The following ANKRD36C variants were observed in gnomAD, a reference collection of about 807,000 sequenced individuals.
The protein encoded by ANKRD36C is ankyrin repeat domain 36C.
A neutral mutation model predicts 276.4 loss-of-function variants in ANKRD36C; 61 were observed. The ratio of observed to expected loss-of-function variants is 0.22; its 90% CI spans 0.18 to 0.27. The LOEUF is 0.27. Among genes scored for constraint, ANKRD36C ranks in the 10% least tolerant of loss-of-function variants. ANKRD36C has a pLI of 1.00. For synonymous variants in ANKRD36C, 483 were observed against 680.1 expected, an observed-to-expected ratio of 0.71 and a Z score of 4.51; for missense variants, 1,447 against 2,032.3, an observed-to-expected ratio of 0.71 and a Z score of 5.54.
At chr2:95,894,553 C>A (rs1676479380) in intron 44 of ANKRD36C, among the ~76,000 whole-genome samples, 1 of 151,346 alleles carries the variant, frequency 6.6e-6, no homozygotes. Context: ...TAGAATGCAA[C>A]ATAATTTTTG....
rs909513270 is a variant in ANKRD36C, at chr2:95,883,632, C to T, written c.3265+541G>A. Reference sequence around the variant, plus strand: ...TCTTTTAGGAAAATATTTGAATATGCATCTGAACTCACGTTTCCTCAGAAG... The same window carrying T: ...TCTTTTAGGAAAATATTTGAATATGTATCTGAACTCACGTTTCCTCAGAAG... On this transcript the variant is annotated intron_variant, in intron 54 of 66. Coordinates refer to ENST00000456556, the Ensembl canonical transcript of ANKRD36C. Among the ~76,000 whole-genome samples, 23 of 151,994 alleles carry T rather than the reference C, an allele frequency of 1.5e-4. 1 individual carries two copies. The highest frequency in any genetic ancestry group is 7.4e-5 in the Non-Finnish European group (5 of 67,960).
At chr2:95,876,891 G>C (rs1484551502) in intron 58 of ANKRD36C, among the ~76,000 whole-genome samples, 1 of 137,266 alleles carries the variant, frequency 7.3e-6, no homozygotes. Flanking sequence ...TCTAAAACCA[G>C]AAAATAAAAG....
intron 44 of ANKRD36C, among the ~76,000 whole-genome samples, chr2:95,896,774 T>C (rs1200953690): frequency 6.7e-6 from 1 of 149,100 alleles, no homozygotes; most frequent in Non-Finnish European, 1.5e-5. Context: ...CAAAATTATA[T>C]AAATGACTTC....
chr2:95,850,866 A>G (rs1423020088), downstream of ANKRD36C, among the ~76,000 whole-genome samples: 1 of 152,210 alleles, frequency 6.6e-6, no homozygotes, highest in Non-Finnish European at 1.5e-5. Context: ...GAACAGTTTC[A>G]GTTTGCAGGC....
downstream of ANKRD36C, among the ~76,000 whole-genome samples, chr2:95,850,047 A>G (rs1159700429): frequency 6.6e-6 from 1 of 152,298 alleles, no homozygotes; most frequent in East Asian, 1.9e-4. Flanking sequence ...TTCACAGTTA[A>G]CTAAGAGAAA....
At chr2:95,961,007 A>G (rs1284871340) in intron 8 of ANKRD36C, among the ~76,000 whole-genome samples, 2 of 152,084 alleles carry the variant, frequency 1.3e-5, no homozygotes, top group African/African-American at 2.4e-5. Flanking sequence ...TTGGGAATCA[A>G]TGTCGAAGCA....
chr2:95,923,361 T>C (rs1164312805), intron 32 of ANKRD36C, 134 bp downstream of exon 32: 15 of 1,241,270 alleles, frequency 1.2e-5, no homozygotes, highest in East Asian at 2.5e-5. Context: ...CGAGAACTTA[T>C]TACAAATGAA....
chr2:95,949,501 A>G (rs1160823163), intron 16 of ANKRD36C, among the ~76,000 whole-genome samples: 2 of 152,146 alleles, frequency 1.3e-5, no homozygotes, highest in African/African-American at 4.8e-5. Flanking sequence ...ACATCTTCAA[A>G]TTTGGCTGTC....
intron 3 of ANKRD36C, 45 bp downstream of exon 3, chr2:95,986,706 A>G (rs1213690204): frequency 6.6e-7 from 1 of 1,523,490 alleles, no homozygotes; most frequent in Non-Finnish European, 8.8e-7. Flanking sequence ...ATGTTAAAAT[A>G]AATGCATTTC....
rs2104326568 is a variant in ANKRD36C at position 95,882,285 on chromosome 2, G to A, written c.3367+17C>T. 2 of 1,548,622 alleles carry A rather than the reference G, an allele frequency of 1.3e-6. No homozygotes were observed. Among genetic ancestry groups the A allele is most frequent in the East Asian group, 2.5e-5 (1 of 40,708 alleles). On this transcript the variant is annotated intron_variant, in intron 56 of 66. Coordinates refer to ENST00000456556, the Ensembl canonical transcript of ANKRD36C. ...ATCTTGAGTGCACATGACATTAAAT[G>A]TATATTGCTAAATTACCTGTTCCAG... is the stretch of plus-strand genomic sequence containing the variant.
intron 6 of ANKRD36C, among the ~76,000 whole-genome samples, chr2:95,964,031 A>C: frequency 8.5e-6 from 1 of 117,620 alleles, no homozygotes; most frequent in Non-Finnish European, 1.7e-5. Context: ...GTGTGTCATG[A>C]TTGCCAAGAA....
At chr2:95,860,224 T>G in intron 60 of ANKRD36C, 150 bp from the exon 81 acceptor site, 1 of 648,876 alleles carries the variant, frequency 1.5e-6, no homozygotes, top group Non-Finnish European at 2.6e-6. Flanking sequence ...TATAGTAAGG[T>G]CTGCAGGTAA....
In ANKRD36C at chr2:95,893,842, T is replaced by A. The variant is rs903398260; in HGVS notation, c.2756-1982A>T. Reference sequence around the variant, plus strand: ...CTGCCTGTATTAGCGTAGGCTTTAATGGCTTCTACTTTGTGTCTGGGGACT... The same window carrying A: ...CTGCCTGTATTAGCGTAGGCTTTAAAGGCTTCTACTTTGTGTCTGGGGACT... On this transcript the variant is annotated intron_variant, in intron 44 of 66. Transcript: ENST00000456556. 44 of 1,539,822 alleles carry A rather than the reference T, an allele frequency of 2.9e-5. No individual in the cohort carries two copies. The African/African-American group carries it at 5.8e-4, about 20-fold the overall frequency.
chr2:95,873,741 C>T (rs889400512), intron 59 of ANKRD36C, among the ~76,000 whole-genome samples: 11 of 152,270 alleles, frequency 7.2e-5, no homozygotes, highest in Non-Finnish European at 1.5e-4. Context: ...TCAAATTGTC[C>T]CTGTTTGCAG....
At chr2:95,896,934 T>C (rs1163798213) in intron 44 of ANKRD36C, among the ~76,000 whole-genome samples, 2 of 147,574 alleles carry the variant, frequency 1.4e-5, no homozygotes, top group Non-Finnish European at 3.0e-5. Context: ...AGTGTGTAAA[T>C]TCTATACTTC....
chr2:95,924,885 C>T (rs1677362662), intron 30 of ANKRD36C, among the ~76,000 whole-genome samples: 1 of 151,622 alleles, frequency 6.6e-6, no homozygotes, highest in South Asian at 2.1e-4. Context: ...TCTTGCCTTG[C>T]AATCCCTCTT....
intron 44 of ANKRD36C, among the ~76,000 whole-genome samples, 151 bp from the exon 61 acceptor site, chr2:95,895,741 G>C (rs1228045951): frequency 6.6e-6 from 1 of 151,022 alleles, no homozygotes; most frequent in African/African-American, 2.4e-5. Context: ...ACCAGAAGGT[G>C]ACAGAAATAC....
intron 6 of ANKRD36C, among the ~76,000 whole-genome samples, chr2:95,965,850 T>C (rs1678576700): frequency 6.6e-6 from 1 of 152,182 alleles, no homozygotes; most frequent in Admixed American, 6.6e-5. Flanking sequence ...TGAACTTTTC[T>C]ACAAGGTTTT....
chr2:95,908,413 T>G, intron 42 of ANKRD36C, 89 bp downstream of exon 48: 1 of 1,249,360 alleles, frequency 8.0e-7, no homozygotes, highest in Non-Finnish European at 1.1e-6. Context: ...AATGTGCAGC[T>G]TCAACGAGCC....
Sources: gnomAD v4.1 joint callset for allele counts (sites outside exome capture counted in the v4.1 genomes callset) on GRCh38, gnomAD v4.1.1 for gene constraint, MANE v1.5 for transcripts, NCBI Gene and HGNC (gene_info 2026-07-23, HGNC 2026-07-21) for gene names.